PRR14L: variants seen among roughly 807,000 people sequenced by gnomAD.
PRR14L encodes proline rich 14 like.
Under a neutral mutation model 155.0 loss-of-function variants are expected in PRR14L, and 80 were observed. The ratio of observed to expected loss-of-function variants is 0.52; its 90% CI spans 0.43 to 0.62. The LOEUF is 0.62. Among genes scored for constraint, PRR14L ranks in the 20% least tolerant of loss-of-function variants. The pLI is 0.00. For synonymous variants in PRR14L, 883 were observed against 916.0 expected, an observed-to-expected ratio of 0.96 and a Z score of 0.65; for missense variants, 2,469 against 2,548.0, an observed-to-expected ratio of 0.97 and a Z score of 0.67.
At chr22:31,721,580 G>A (rs1182118759) in intron 3 of PRR14L, among the ~76,000 whole-genome samples, 2 of 151,084 alleles carry the variant, frequency 1.3e-5, no homozygotes, top group Non-Finnish European at 2.9e-5. Flanking sequence ...AAAAAAAAAG[G>A]TTCAATCTGT....
rs749368064 is a variant in PRR14L, at chr22:31,684,199, CAG to C, written c.*1326_*1327del. On this transcript the variant is annotated 3_prime_UTR_variant, in exon 9 of 9. Coordinates refer to ENST00000327423, the MANE Select transcript of PRR14L (RefSeq NM_173566.3). ...GCATCCCTCTGCCCACAGACTCCTG[CAG>C]GCACAAACCCAGAAACTCGGCTAAC... is the stretch of plus-strand genomic sequence containing the variant. The C allele has an allele frequency of 6.6e-6, 1 of 152,498 alleles. No homozygotes were observed. The highest frequency in any genetic ancestry group is 1.5e-5 in the Non-Finnish European group (1 of 68,108). 9.4% of individuals were successfully genotyped at this position (152,498 alleles called of 1,614,324 possible). A position where few individuals can be genotyped will look rare whatever the true frequency, so the allele number is the denominator to read the frequency against.
rs1243440056 is a variant in PRR14L, at chr22:31,714,325, C to T, written c.3514G>A (p.Val1172Ile). The change falls in exon 4 of 9, where the codon GTA becomes ATA. Residue 1172 changes from valine to isoleucine, a missense_variant. Physicochemically the swap from Val to Ile is conservative, Grantham distance 29. Coordinates refer to ENST00000327423, the MANE Select transcript of PRR14L (RefSeq NM_173566.3). ...TGGCTATCATTTAAAGACAAATTTACTCTGCCCAATATTCTTTTATTTGGT... is the reference window on the plus strand; with the variant it reads ...TGGCTATCATTTAAAGACAAATTTATTCTGCCCAATATTCTTTTATTTGGT... ...HEPNKRILGR[V>I]NLSLNDSHYG... 1.9e-6 allele frequency: 3 copies of T among 1,551,538 alleles called. No individual in the cohort carries two copies. The highest frequency in any genetic ancestry group is 2.7e-5 in the African/African-American group (2 of 73,044).
At chr22:31,721,458 C>T (rs1344112189) in intron 3 of PRR14L, among the ~76,000 whole-genome samples, 16 of 151,810 alleles carry the variant, frequency 1.1e-4, no homozygotes, top group Admixed American at 1.1e-3. Flanking sequence ...GTCCCAGCTA[C>T]TCGGGAGACT....
At chr22:31,735,259 G>GA (rs2074772494) in intron 2 of PRR14L, among the ~76,000 whole-genome samples, 1 of 152,146 alleles carries the variant, frequency 6.6e-6, no homozygotes, top group South Asian at 2.1e-4. Context: ...CTAACACGGT[G>GA]AAACCCCGTC....
At chr22:31,734,469 G>A (rs971758292) in intron 2 of PRR14L, among the ~76,000 whole-genome samples, 7 of 152,170 alleles carry the variant, frequency 4.6e-5, no homozygotes, top group Non-Finnish European at 8.8e-5. Context: ...GATGCCTGGG[G>A]TTTGCAAATC....
intron 7 of PRR14L, among the ~76,000 whole-genome samples, chr22:31,699,755 A>G (rs1287243683): frequency 6.6e-6 from 1 of 152,176 alleles, no homozygotes; most frequent in African/African-American, 2.4e-5. Flanking sequence ...GAAAACAGAA[A>G]AGTCAGGAAG....
At chr22:31,718,337 C>T (rs2074671660) in intron 3 of PRR14L, among the ~76,000 whole-genome samples, 1 of 151,792 alleles carries the variant, frequency 6.6e-6, no homozygotes, top group African/African-American at 2.4e-5. Context: ...CTCACTGCAA[C>T]CTCCGCCTCC....
At chr22:31,730,863 G>A (rs1289801575) in intron 2 of PRR14L, among the ~76,000 whole-genome samples, 1 of 152,118 alleles carries the variant, frequency 6.6e-6, no homozygotes, top group African/African-American at 2.4e-5. Context: ...TACAGTGAAA[G>A]GATACAAAGA....
At chr22:31,749,669 A>T (rs1183168960) in intron 1 of PRR14L, among the ~76,000 whole-genome samples, 1 of 152,196 alleles carries the variant, frequency 6.6e-6, no homozygotes, top group African/African-American at 2.4e-5. Flanking sequence ...GCTAAGAAAG[A>T]GCGTACGCCT....
chr22:31,688,897 T>TACACACACACACACAC (rs1250705421), intron 7 of PRR14L, among the ~76,000 whole-genome samples: 1 of 133,068 alleles, frequency 7.5e-6, no homozygotes, highest in African/African-American at 3.1e-5. Context: ...AAAAAATATA[T>TACACACACACACACAC]ACATACACAC....
At chr22:31,727,528 C>T (rs747538751) in intron 2 of PRR14L, among the ~76,000 whole-genome samples, 6 of 151,910 alleles carry the variant, frequency 3.9e-5, no homozygotes, top group South Asian at 2.1e-4. Flanking sequence ...AGCCACCATG[C>T]GCGGCTGATT....
At chr22:31,740,800 G>A (rs970410289) in intron 1 of PRR14L, among the ~76,000 whole-genome samples, 2 of 152,128 alleles carry the variant, frequency 1.3e-5, no homozygotes, top group Non-Finnish European at 2.9e-5. Flanking sequence ...TTAGATTGCT[G>A]TTCCATGATG....
intron 2 of PRR14L, among the ~76,000 whole-genome samples, chr22:31,733,788 T>C (rs1230008147): frequency 6.6e-6 from 1 of 152,064 alleles, no homozygotes; most frequent in Non-Finnish European, 1.5e-5. Context: ...TTTTCACCCA[T>C]CTGATAGTCA....
At position 31,703,059 on chromosome 22, in the gene PRR14L, G is replaced by A. The variant is rs537329175; in HGVS notation, c.6000+491C>T. ...TTGAACTCCTGGACTCAAGCGATCCGCCCGCCTCAGCCTCCCAAAGTGCTG... is the reference window on the plus strand; with the variant it reads ...TTGAACTCCTGGACTCAAGCGATCCACCCGCCTCAGCCTCCCAAAGTGCTG... On this transcript the variant is annotated intron_variant, in intron 6 of 8. Coordinates refer to ENST00000327423, the MANE Select transcript of PRR14L (RefSeq NM_173566.3). Among the ~76,000 whole-genome samples, 5 of 151,556 alleles carry A rather than the reference G, an allele frequency of 3.3e-5. No individual in the cohort carries two copies. In the East Asian group the frequency reaches 7.8e-4, roughly 24 times the overall value.
chr22:31,730,391 C>G (rs1441192432), intron 2 of PRR14L, among the ~76,000 whole-genome samples: 1 of 152,174 alleles, frequency 6.6e-6, no homozygotes, highest in Non-Finnish European at 1.5e-5. Context: ...TTGCAGTGAG[C>G]TGAGATCGTG....
At position 31,688,901 on chromosome 22, in the gene PRR14L, T is replaced by TACAC. The variant is rs149232375; in HGVS notation, c.6108-678_6108-675dup. ...CCCTGTCTCTTAAAAAATATATACA[T>TACAC]ACACACACACACACACACACACACA... On this transcript the variant is annotated intron_variant, in intron 7 of 8. Coordinates refer to ENST00000327423, the MANE Select transcript of PRR14L (RefSeq NM_173566.3). Among the ~76,000 whole-genome samples, 764 of 147,854 alleles carry TACAC rather than the reference T, an allele frequency of 5.2e-3. 7 individuals carry two copies. The highest frequency in any genetic ancestry group is 0.017 in the African/African-American group (677 of 40,178).
intron 4 of PRR14L, among the ~76,000 whole-genome samples, chr22:31,706,923 C>G (rs2074595470): frequency 6.6e-6 from 1 of 152,014 alleles, no homozygotes; most frequent in Non-Finnish European, 1.5e-5. Context: ...GTGGTACATG[C>G]CTGTAATCCC....
intron 2 of PRR14L, among the ~76,000 whole-genome samples, chr22:31,733,638 G>A (rs527986508): frequency 5.9e-5 from 9 of 152,150 alleles, no homozygotes; most frequent in East Asian, 1.9e-4. Context: ...TGAACAGGTC[G>A]AGGCACCAAT....
rs751253317 is a variant in PRR14L at position 31,712,249 on chromosome 22, G to A, written c.5590C>T (p.Arg1864Trp). 28 of 1,614,146 alleles carry A rather than the reference G, an allele frequency of 1.7e-5. No homozygotes were observed. The East Asian group carries it at 3.8e-4, about 22-fold the overall frequency. ...TTGTCTGCTATGGAGGCTGGAGACC[G>A]TAACCCTTTCAGGCCCTGTGTAAAC... is the stretch of plus-strand genomic sequence containing the variant. ...TQFTQGLKGLRSPASIADKVF... is the reference protein window; with the variant it reads ...TQFTQGLKGLWSPASIADKVF... The change falls in exon 4 of 9, where the codon CGG becomes TGG. Residue 1864 changes from arginine (R) to tryptophan (W), a missense_variant. Physicochemically the swap from Arg to Trp is moderately radical, Grantham distance 101. Coordinates refer to ENST00000327423, the MANE Select transcript of PRR14L (RefSeq NM_173566.3).
Sources: allele counts gnomAD v4.1 joint callset (sites outside exome capture counted in the v4.1 genomes callset), GRCh38; gene constraint gnomAD v4.1.1; transcripts MANE v1.5; gene names NCBI Gene and HGNC (gene_info 2026-07-23, HGNC 2026-07-21).